Variants in ACOT12 observed in about 807,000 individuals in gnomAD.
The protein encoded by ACOT12 is acyl-CoA thioesterase 12.
ACOT12 carries 51 observed loss-of-function variants against 67.7 expected under a neutral mutation model. The observed-to-expected ratio is 0.75, with a 90% CI of 0.60 to 0.95. The LOEUF (loss-of-function observed/expected upper bound fraction) is 0.95, where lower values mean the gene tolerates loss of function less well. ACOT12 is among the 40% of genes least tolerant of loss of function. ACOT12 has a pLI of 0.00. For synonymous variants in ACOT12, 251 were observed against 244.6 expected, an observed-to-expected ratio of 1.03 and a Z score of -0.24; for missense variants, 734 against 708.1, an observed-to-expected ratio of 1.04 and a Z score of -0.41.
intron 12 of ACOT12, among the ~76,000 whole-genome samples, chr5:81,333,646 T>A (rs865848246): frequency 6.6e-6 from 1 of 152,220 alleles, no homozygotes; most frequent in Non-Finnish European, 1.5e-5. Context: ...TTAGGCATTG[T>A]TATTCCTAAA....
intron 5 of ACOT12, among the ~76,000 whole-genome samples, chr5:81,355,545 G>A (rs1331283008): frequency 6.6e-6 from 1 of 152,330 alleles, no homozygotes; most frequent in East Asian, 1.9e-4. Context: ...AGAGCAGAAG[G>A]ATGGTTCTGC....
downstream of ACOT12, among the ~76,000 whole-genome samples, chr5:81,328,248 C>T (rs1758722470): frequency 6.6e-6 from 1 of 152,094 alleles, no homozygotes; most frequent in South Asian, 2.1e-4. Flanking sequence ...TCAACCACCA[C>T]CCCCAACCCT....
At chr5:81,354,934 C>T (rs1021811942) in intron 5 of ACOT12, among the ~76,000 whole-genome samples, 2 of 152,086 alleles carry the variant, frequency 1.3e-5, no homozygotes, top group East Asian at 1.9e-4. Context: ...TCAAGTGATC[C>T]GCCTGCCTCA....
chr5:81,352,113 T>C (rs1471480443), intron 5 of ACOT12, among the ~76,000 whole-genome samples: 1 of 152,186 alleles, frequency 6.6e-6, no homozygotes. Context: ...TAACCAGTGC[T>C]GGTAAGGATG....
chr5:81,344,220 A>T lies in ACOT12; in HGVS notation c.925-5T>A, dbSNP rs1759301059. On this transcript the variant is annotated splice_polypyrimidine_tract_variant and splice_region_variant and intron_variant, in intron 8 of 14. Coordinates refer to ENST00000307624, the MANE Select transcript of ACOT12 (RefSeq NM_130767.3). ...CCGATAGCGTCTGAAATCATCCTTT[A>T]ATCAAAAACAAAGTAAAATCAATAA... 6.2e-7 allele frequency: 1 copy of T among 1,611,592 alleles called. No homozygotes were observed. Among genetic ancestry groups the T allele is most frequent in the African/African-American group, 1.3e-5 (1 of 74,762 alleles).
chr5:81,375,390 T>C (rs1760381055), intron 2 of ACOT12, among the ~76,000 whole-genome samples: 1 of 151,916 alleles, frequency 6.6e-6, no homozygotes, highest in Non-Finnish European at 1.5e-5. Context: ...CAAAAACATA[T>C]CAAATTGTAA....
chr5:81,343,168 C>T (rs1489776958), intron 10 of ACOT12, among the ~76,000 whole-genome samples: 1 of 150,616 alleles, frequency 6.6e-6, no homozygotes, highest in Non-Finnish European at 1.5e-5. Flanking sequence ...GCCTGGGCGA[C>T]AGAGTGAGAC....
intron 2 of ACOT12, among the ~76,000 whole-genome samples, chr5:81,377,188 C>A (rs1017678639): frequency 1.2e-4 from 19 of 152,176 alleles, no homozygotes; most frequent in African/African-American, 4.6e-4. Flanking sequence ...GTTCAACATA[C>A]ACAAATCAAT....
chr5:81,383,194 A>G (rs993689567), intron 2 of ACOT12, among the ~76,000 whole-genome samples: 3 of 152,106 alleles, frequency 2.0e-5, no homozygotes, highest in African/African-American at 7.2e-5. Flanking sequence ...CCTGGCCAAC[A>G]TGGCAAAACC....
intron 3 of ACOT12, among the ~76,000 whole-genome samples, chr5:81,370,561 C>T (rs141602003): frequency 3.3e-5 from 5 of 152,166 alleles, no homozygotes; most frequent in African/African-American, 9.7e-5. Context: ...ACAAGGAGAA[C>T]ACGTGAAGAT....
the ACOT12 span, chr5:81,308,902 G>T: frequency 6.6e-7 from 1 of 1,522,468 alleles, no homozygotes; most frequent in Non-Finnish European, 9.0e-7. Flanking sequence ...TTTATGACTT[G>T]CCATATGTAT....
chr5:81,384,300 C>T (rs891282035), intron 2 of ACOT12, among the ~76,000 whole-genome samples: 1 of 151,534 alleles, frequency 6.6e-6, no homozygotes, highest in South Asian at 2.1e-4. Flanking sequence ...AATTTTTGTA[C>T]TTTTAGTACA....
the ACOT12 span, among the ~76,000 whole-genome samples, chr5:81,324,220 T>C: frequency 2.6e-5 from 4 of 152,064 alleles, no homozygotes; most frequent in Non-Finnish European, 4.4e-5. Context: ...AGATTACAAG[T>C]GTGAGCCACT....
At chr5:81,323,919 C>CGTGTATATATAT in the ACOT12 span, among the ~76,000 whole-genome samples, 1 of 142,924 alleles carries the variant, frequency 7.0e-6, no homozygotes, top group Non-Finnish European at 1.5e-5. Flanking sequence ...CGTATATATA[C>CGTGTATATATAT]GTGTATATAT....
downstream of ACOT12, among the ~76,000 whole-genome samples, chr5:81,327,206 A>G (rs1016714192): frequency 7.5e-6 from 1 of 133,248 alleles, no homozygotes; most frequent in Non-Finnish European, 1.6e-5. Flanking sequence ...TATAATATAT[A>G]TACACACACA....
At chr5:81,322,775 C>T in the ACOT12 span, among the ~76,000 whole-genome samples, 1 of 152,162 alleles carries the variant, frequency 6.6e-6, no homozygotes, top group Admixed American at 6.5e-5. Flanking sequence ...AAAGCAGAAG[C>T]AGGCACCTTC....
Position 81,394,124 on chromosome 5 carries a change from G to C in ACOT12, c.-10C>G. The C allele has an allele frequency of 5.6e-6, 8 of 1,432,022 alleles. No individual in the cohort carries two copies. Among genetic ancestry groups the C allele is most frequent in the Non-Finnish European group, 7.3e-6 (8 of 1,095,588 alleles). The allele number at this position is 1,432,022 out of a possible 1,614,324, so 88.7% of individuals were successfully genotyped here. A position where few individuals can be genotyped will look rare whatever the true frequency, so the allele number is the denominator to read the frequency against. ...GCGCCGGCCGCTCCATGGCCAGGGC[G>C]AGAGCGCTACGCCTGCGGCCCCCGA... On this transcript the variant is annotated 5_prime_UTR_variant, in exon 1 of 15. Transcript: ENST00000307624.
At chr5:81,323,910 G>A in the ACOT12 span, among the ~76,000 whole-genome samples, 3 of 145,516 alleles carry the variant, frequency 2.1e-5, no homozygotes, top group Non-Finnish European at 1.5e-5. Context: ...ATATATACAC[G>A]TATATATACG....
At chr5:81,386,487 G>A (rs1760727563) in intron 1 of ACOT12, among the ~76,000 whole-genome samples, 1 of 152,084 alleles carries the variant, frequency 6.6e-6, no homozygotes, top group East Asian at 1.9e-4. Context: ...ATGTCTGCAC[G>A]TAATTTGCTC....
Sources: gnomAD v4.1 joint callset for allele counts (sites outside exome capture counted in the v4.1 genomes callset) on GRCh38, gnomAD v4.1.1 for gene constraint, MANE v1.5 for transcripts, NCBI Gene and HGNC (gene_info 2026-07-23, HGNC 2026-07-21) for gene names.